MTA3: variants seen among roughly 807,000 people sequenced by gnomAD.
The protein encoded by MTA3 is metastasis-associated protein MTA3.
MTA3 carries 34 observed loss-of-function variants against 83.5 expected under a neutral mutation model. The ratio of observed to expected loss-of-function variants is 0.41; its 90% CI spans 0.31 to 0.54. MTA3 has a LOEUF of 0.54. Ranked by LOEUF, MTA3 falls within the 20% of genes least tolerant of loss-of-function variation. MTA3 has a pLI of 0.33. For synonymous variants in MTA3, 303 were observed against 252.7 expected (o/e 1.20, Z -1.89); for missense variants, 761 against 726.4 (o/e 1.05, Z -0.55).
rs188459464 is a variant in MTA3, at chr2:42,626,321, G to A, written c.318-13852G>A. Among the ~76,000 whole-genome samples the A allele has an allele frequency of 3.8e-3, 573 of 149,858 alleles. 22 individuals carry two copies. The highest frequency in any genetic ancestry group is 0.013 in the African/African-American group (544 of 40,346). The stretch of plus-strand genomic sequence containing the variant: ...ATTTTTTTAAAATTTTTTTTGATTC[G>A]GAGTCTCACTCTGTCACCCAGGCTG... On this transcript the variant is annotated intron_variant, in intron 4 of 16. Transcript: ENST00000405094.
intron 11 of MTA3, among the ~76,000 whole-genome samples, chr2:42,699,796 A>G (rs934995366): frequency 2.0e-5 from 3 of 152,120 alleles, no homozygotes; most frequent in South Asian, 2.1e-4. Context: ...TACTGGATGT[A>G]TTGGTCTTAA....
intron 3 of MTA3, among the ~76,000 whole-genome samples, chr2:42,582,436 C>A (rs1217068049): frequency 6.6e-6 from 1 of 152,048 alleles, no homozygotes; most frequent in Non-Finnish European, 1.5e-5. Flanking sequence ...TACTTTAATA[C>A]ATTAAATTTA....
intron 2 of MTA3, among the ~76,000 whole-genome samples, chr2:42,506,059 C>G (rs557905303): frequency 6.6e-6 from 1 of 152,204 alleles, no homozygotes; most frequent in African/African-American, 2.4e-5. Flanking sequence ...GCTACCACAC[C>G]CAGCCCCCTC....
intron 2 of MTA3, among the ~76,000 whole-genome samples, chr2:42,517,324 C>T (rs1675190588): frequency 6.6e-6 from 1 of 151,696 alleles, no homozygotes; most frequent in South Asian, 2.1e-4. Context: ...CTAATCCCAG[C>T]ACTTTGGGAG....
intron 8 of MTA3, among the ~76,000 whole-genome samples, chr2:42,671,761 CAT>C (rs992570581): frequency 1.6e-4 from 24 of 152,136 alleles, no homozygotes; most frequent in Admixed American, 2.0e-4. Flanking sequence ...GGTCAGAGAA[CAT>C]GTGTGCTACC....
chr2:42,718,734 G>C (rs575560743), intron 14 of MTA3, among the ~76,000 whole-genome samples: 1 of 152,168 alleles, frequency 6.6e-6, no homozygotes, highest in East Asian at 2.0e-4. Context: ...TTGTACTTCA[G>C]CCTGGGTGAC....
chr2:42,642,295 G>C (rs1485822210), intron 5 of MTA3, among the ~76,000 whole-genome samples: 1 of 152,060 alleles, frequency 6.6e-6, no homozygotes, highest in East Asian at 1.9e-4. Context: ...GCAAGCTCCT[G>C]TTTTTATTGG....
Position 42,749,668 on chromosome 2 carries a change from G to A in MTA3, c.1760-3706G>A, listed in dbSNP as rs948613231. On this transcript the variant is annotated intron_variant, in intron 16 of 16. Transcript: ENST00000405094. ...GTTTTAGGAGAGACAGGGTTTTGTCGTGTTGGCCAGGCTGGTCTTGAACTC... is the reference window on the plus strand; with the variant it reads ...GTTTTAGGAGAGACAGGGTTTTGTCATGTTGGCCAGGCTGGTCTTGAACTC... Among the ~76,000 whole-genome samples the A allele has an allele frequency of 4.0e-5, 6 of 151,854 alleles. No homozygotes were observed. In the East Asian group the frequency reaches 7.8e-4, roughly 20 times the overall value.
intron 6 of MTA3, among the ~76,000 whole-genome samples, chr2:42,650,235 CG>C (rs1688585426): frequency 6.6e-6 from 1 of 152,054 alleles, no homozygotes; most frequent in Non-Finnish European, 1.5e-5. Context: ...TTAGTTGTCA[CG>C]TCTGGTAGAG....
intron 4 of MTA3, among the ~76,000 whole-genome samples, chr2:42,635,541 T>A (rs1325113670): frequency 6.6e-6 from 1 of 151,886 alleles, no homozygotes; most frequent in Admixed American, 6.6e-5. Context: ...GTCAGCAGAA[T>A]CACTTGAACC....
At chr2:42,719,748 C>G (rs1227382263) in intron 15 of MTA3, among the ~76,000 whole-genome samples, 1 of 152,142 alleles carries the variant, frequency 6.6e-6, no homozygotes, top group African/African-American at 2.4e-5. Flanking sequence ...TTATTTTTAT[C>G]ATGCCATCTG....
Position 42,548,817 on chromosome 2 carries a change from A to G in MTA3, c.-140-21620A>G, listed in dbSNP as rs1434152087. ...GACCCTGTCTCAAAAAAAAATATAT[A>G]TATATATATATAATATATATATATA... On this transcript the variant is annotated intron_variant, in intron 2 of 17. Transcript: ENST00000405592. Among the ~76,000 whole-genome samples the G allele has an allele frequency of 3.0e-4, 7 of 23,234 alleles. No individual in the cohort carries two copies. In the East Asian group the frequency reaches 5.8e-3, roughly 19 times the overall value. The allele number at this position is 23,234 out of a possible 152,430, so 15.2% of individuals were successfully genotyped here.
chr2:42,687,603 C>T (rs923152336), intron 9 of MTA3, among the ~76,000 whole-genome samples: 7 of 152,174 alleles, frequency 4.6e-5, no homozygotes, highest in Admixed American at 3.9e-4. Flanking sequence ...TACATGATAA[C>T]TATATGTTTA....
At chr2:42,710,895 A>G (rs927461770) in intron 14 of MTA3, among the ~76,000 whole-genome samples, 2 of 152,056 alleles carry the variant, frequency 1.3e-5, no homozygotes, top group African/African-American at 4.8e-5. Flanking sequence ...CCTGGCCAAC[A>G]TGGTGAAGCC....
rs1348279276 is a variant in MTA3, at chr2:42,580,459, C to T, written c.190+1259C>T. Among the ~76,000 whole-genome samples the T allele has an allele frequency of 2.0e-5, 3 of 151,958 alleles. 1 individual carries two copies. Among genetic ancestry groups the T allele is most frequent in the Non-Finnish European group, 4.4e-5 (3 of 67,988 alleles). The stretch of plus-strand genomic sequence containing the variant: ...CCATCTTGGCTCACTGCAACCTCCG[C>T]CTTCTGGGTTCAGGCGACTCTCCTG... On this transcript the variant is annotated intron_variant, in intron 3 of 16. Coordinates refer to ENST00000405094, the MANE Select transcript of MTA3 (RefSeq NM_001330442.2).
chr2:42,734,835 A>C (rs992910799), intron 16 of MTA3, among the ~76,000 whole-genome samples: 1 of 152,162 alleles, frequency 6.6e-6, no homozygotes, highest in African/African-American at 2.4e-5. Flanking sequence ...AGGCAAAGAG[A>C]AAACTAGTGG....
At chr2:42,682,021 A>C (rs1231067133) in intron 8 of MTA3, among the ~76,000 whole-genome samples, 1 of 152,124 alleles carries the variant, frequency 6.6e-6, no homozygotes, top group East Asian at 1.9e-4. Context: ...AGCCTGGGCA[A>C]CATAGCGAGA....
intron 3 of MTA3, among the ~76,000 whole-genome samples, chr2:42,596,297 C>G (rs1681782074): frequency 6.6e-6 from 1 of 152,198 alleles, no homozygotes; most frequent in Admixed American, 6.5e-5. Flanking sequence ...CTTACTCTGC[C>G]CTTGGGCCCA....
chr2:42,504,424 A>G (rs902177095), intron 2 of MTA3, among the ~76,000 whole-genome samples: 2 of 151,974 alleles, frequency 1.3e-5, no homozygotes, highest in African/African-American at 4.8e-5. Flanking sequence ...TATTTTTAGT[A>G]GAGATGGCGT....
Sources: gnomAD v4.1 joint callset for allele counts (sites outside exome capture counted in the v4.1 genomes callset) on GRCh38, gnomAD v4.1.1 for gene constraint, MANE v1.5 for transcripts, NCBI Gene and HGNC (gene_info 2026-07-23, HGNC 2026-07-21) for gene names.